The following ZFP28 variants were observed in gnomAD, a reference collection of about 807,000 sequenced individuals.
The protein encoded by ZFP28 is zinc finger protein 28 homolog.
Under a neutral mutation model 39.5 loss-of-function variants are expected in ZFP28, and 31 were observed. That is an observed-to-expected ratio of 0.79 (90% confidence interval 0.59 to 1.06). The LOEUF (loss-of-function observed/expected upper bound fraction) is 1.06. Ranked by LOEUF, ZFP28 falls within the 50% of genes least tolerant of loss-of-function variation. ZFP28 has a pLI of 0.00. For synonymous variants in ZFP28, 400 were observed against 378.6 expected (o/e 1.06, Z -0.66); for missense variants, 925 against 1,048.4 (o/e 0.88, Z 1.63).
Position 56,547,838 on chromosome 19 carries a change from C to T in ZFP28, c.459C>T (p.Ser153=). Residue 153 remains serine, a synonymous_variant, in exon 4 of 8, where the codon TCC becomes TCT. Transcript: ENST00000301318. The surrounding 1 kb of genome is among the most constrained non-coding windows in gnomAD (Gnocchi z 4.6). The part of the protein sequence containing the change: ...GLCVSKPDVI[S]SLEQGKEPWT... ...GTGTTTCTAAGCCCGATGTGATCTC[C>T]TCGTTGGAACAAGGAAAAGAGCCTT... 1.9e-6 allele frequency: 3 copies of T among 1,614,108 alleles called. No individual in the cohort carries two copies. The highest frequency in any genetic ancestry group is 1.1e-5 in the South Asian group (1 of 91,072).
At chr19:56,551,464 T>C in intron 7 of ZFP28, 1 of 985,312 alleles carries the variant, frequency 1.0e-6, no homozygotes, top group Non-Finnish European at 1.2e-6. Flanking sequence ...GATTCCACGT[T>C]GTATATACCA....
chr19:56,552,739 A>C (rs1169672723), intron 7 of ZFP28: 1 of 152,146 alleles, frequency 6.6e-6, no homozygotes, highest in East Asian at 1.9e-4. Context: ...TAAAAAATGA[A>C]TAGATGTATA....
Position 56,547,186 on chromosome 19 carries a change from C to T in ZFP28, c.301-322C>T. On this transcript the variant is annotated intron_variant, in intron 2 of 7. Transcript: ENST00000301318. The surrounding 1 kb of genome is among the most constrained non-coding windows in gnomAD (Gnocchi z 4.6). Reference sequence around the variant, plus strand: ...CTGCAGGTTTGGTTTCACCTGAGGCCTCTCTCCTTGGCTTGCAGACGGCCG... The same window carrying T: ...CTGCAGGTTTGGTTTCACCTGAGGCTTCTCTCCTTGGCTTGCAGACGGCCG... The T allele has an allele frequency of 3.8e-6, 1 of 261,648 alleles. No individual in the cohort carries two copies. The allele number at this position is 261,648 out of a possible 1,614,324, so 16.2% of individuals were successfully genotyped here.
intron 2 of ZFP28, among the ~76,000 whole-genome samples, chr19:56,543,626 C>T (rs1300632857): frequency 1.3e-5 from 2 of 151,990 alleles, no homozygotes; most frequent in African/African-American, 2.4e-5. Context: ...GGAGTAGATT[C>T]TGTGCCTGTA....
chr19:56,544,689 T>TA (rs1367102061), intron 2 of ZFP28: 2 of 152,208 alleles, frequency 1.3e-5, no homozygotes, highest in African/African-American at 4.8e-5. Context: ...ATAGTAATAG[T>TA]ACTGACTATT....
At chr19:56,551,612 T>C (rs1367733001) in intron 7 of ZFP28, 1 of 985,308 alleles carries the variant, frequency 1.0e-6, no homozygotes, top group Non-Finnish European at 1.2e-6. Flanking sequence ...TCTGAAAGTT[T>C]TTTTGTTTTT....
chr19:56,539,652 C>T lies in ZFP28; in HGVS notation c.236C>T (p.Pro79Leu). Residue 79 changes from proline (P) to leucine (L), a missense_variant, in exon 2 of 8, where the codon CCC (proline) becomes CTC (leucine). By Grantham distance (98) the Pro-to-Leu change is moderately conservative. Transcript: ENST00000301318. ...CTGCCTTCCAGGGACACTGCTCTTC[C>T]CCAGGAGAGAAACAAGAAGCTGGAG... is the stretch of plus-strand genomic sequence containing the variant. The part of the protein sequence containing the change: ...RALPSRDTAL[P>L]QERNKKLEAV... 1 of 1,614,098 alleles carries T rather than the reference C, an allele frequency of 6.2e-7. No homozygotes were observed. Among genetic ancestry groups the T allele is most frequent in the South Asian group, 1.1e-5 (1 of 91,076 alleles).
At chr19:56,538,913 G>A (rs1185656057), upstream of ZFP28, 11 of 1,052,968 alleles carry the variant, frequency 1.0e-5, no homozygotes, top group Non-Finnish European at 9.6e-6. Context: ...GCCGGGCCAT[G>A]GGGGAGCGCG....
upstream of ZFP28, chr19:56,538,210 C>T (rs1320478030): frequency 6.6e-6 from 1 of 152,260 alleles, no homozygotes; most frequent in Non-Finnish European, 1.5e-5. Flanking sequence ...CAAAACAATC[C>T]CACAAGCTCT....
chr19:56,542,821 A>G (rs1260948898), intron 2 of ZFP28, among the ~76,000 whole-genome samples: 4 of 152,108 alleles, frequency 2.6e-5, no homozygotes, highest in Non-Finnish European at 5.9e-5. Flanking sequence ...GCTGGAGTAC[A>G]GTGGCACAGT....
At chr19:56,546,172 G>A (rs1451621606) in intron 2 of ZFP28, 1 of 152,216 alleles carries the variant, frequency 6.6e-6, no homozygotes, top group Non-Finnish European at 1.5e-5. Flanking sequence ...GTAACCAAGT[G>A]AGGTTTCAGA....
Position 56,554,419 on chromosome 19 carries a change from G to A in ZFP28, c.1634G>A (p.Gly545Asp). 2.5e-6 allele frequency: 4 copies of A among 1,614,090 alleles called. No homozygotes were observed. The highest frequency in any genetic ancestry group is 3.4e-6 in the Non-Finnish European group (4 of 1,180,024). The change falls in exon 8 of 8, where the codon GGT becomes GAT. Residue 545 changes from glycine to aspartate, a missense_variant. This residue lies in a region of ZFP28 where 369 missense variants were observed against 505.5 expected (regional missense o/e 0.73). Coordinates refer to ENST00000301318, the MANE Select transcript of ZFP28 (RefSeq NM_020828.2). This position sits in a 1 kb window ranked among gnomAD's most constrained non-coding sequence, Gnocchi z 6.7. ...GTATGTCACAAATCCTTCAGGTATGGTTCCTCCCTTACTGTACATCAAAGG... is the reference window on the plus strand; with the variant it reads ...GTATGTCACAAATCCTTCAGGTATGATTCCTCCCTTACTGTACATCAAAGG... ...CDVCHKSFRY[G>D]SSLTVHQRIH...
intron 2 of ZFP28, chr19:56,544,654 A>G (rs2044224039): frequency 1.3e-5 from 2 of 152,218 alleles, no homozygotes; most frequent in Non-Finnish European, 2.9e-5. Flanking sequence ...TTACAGCTCA[A>G]TATTTTCTCA....
In ZFP28 at chr19:56,556,677, A is replaced by G. The variant is rs2044354893; in HGVS notation, c.*1285A>G. The G allele has an allele frequency of 1.3e-5, 2 of 152,200 alleles. No homozygotes were observed. Among genetic ancestry groups the G allele is most frequent in the Admixed American group, 1.3e-4 (2 of 15,276 alleles). The allele number at this position is 152,200 out of a possible 1,614,324, so 9.4% of individuals were successfully genotyped here. ...ATTTTAATTTTATGAGGGCAATACA[A>G]CTGTCACATCAGAAACAAGAAAACA... On this transcript the variant is annotated 3_prime_UTR_variant, in exon 8 of 8. Coordinates refer to ENST00000301318, the MANE Select transcript of ZFP28 (RefSeq NM_020828.2).
At position 56,554,453 on chromosome 19, in the gene ZFP28, C is replaced by CGG; in HGVS notation, c.1669_1670dup (p.Pro560AsnfsTer50). ...TTACTGTACATCAAAGGATTCATAC[C>CGG]GGAGAAAAACCATATGAATGTGATG... On this transcript the variant is annotated frameshift_variant, in exon 8 of 8. Coordinates refer to ENST00000301318, the MANE Select transcript of ZFP28 (RefSeq NM_020828.2). LOFTEE classifies it low-confidence loss of function (END_TRUNC). The surrounding 1 kb of genome is among the most constrained non-coding windows in gnomAD (Gnocchi z 6.7). The CGG allele has an allele frequency of 6.2e-7, 1 of 1,614,072 alleles. No homozygotes were observed. Among genetic ancestry groups the CGG allele is most frequent in the Non-Finnish European group, 8.5e-7 (1 of 1,180,000 alleles).
In ZFP28 at chr19:56,553,783, C is replaced by G. The variant is rs767834423; in HGVS notation, c.998C>G (p.Ser333Cys). The G allele has an allele frequency of 7.4e-6, 12 of 1,613,940 alleles. No homozygotes were observed. Among genetic ancestry groups the G allele is most frequent in the Admixed American group, 1.7e-5 (1 of 59,982 alleles). Reference protein sequence around the residue: ...DRTSNTKLDCSSFRENWDSDY... With the variant: ...DRTSNTKLDCCSFRENWDSDY... ...ACCTCAAACACTAAACTTGATTGTTCCAGTTTCAGAGAAAATTGGGATTCT... is the reference window on the plus strand; with the variant it reads ...ACCTCAAACACTAAACTTGATTGTTGCAGTTTCAGAGAAAATTGGGATTCT... The change falls in exon 8 of 8, where the codon TCC becomes TGC. Residue 333 changes from serine (S) to cysteine (C), a missense_variant. Physicochemically the swap from Ser to Cys is moderately radical, Grantham distance 112. Coordinates refer to ENST00000301318, the MANE Select transcript of ZFP28 (RefSeq NM_020828.2).
Position 56,556,732 on chromosome 19 carries a change from G to A in ZFP28, c.*1340G>A, listed in dbSNP as rs1039379315. The A allele has an allele frequency of 6.6e-6, 1 of 151,952 alleles. No individual in the cohort carries two copies. Among genetic ancestry groups the A allele is most frequent in the African/African-American group, 2.4e-5 (1 of 41,344 alleles). The allele number at this position is 151,952 out of a possible 1,614,324, so 9.4% of individuals were successfully genotyped here. ...ATAAAGGAACTCATTTATCAATAGA[G>A]GTGAAAGGAAATTATTAAACTATAT... On this transcript the variant is annotated 3_prime_UTR_variant, in exon 8 of 8. Coordinates refer to ENST00000301318, the MANE Select transcript of ZFP28 (RefSeq NM_020828.2).
At chr19:56,549,348 G>A (rs957926480) in intron 5 of ZFP28, among the ~76,000 whole-genome samples, 2 of 152,208 alleles carry the variant, frequency 1.3e-5, no homozygotes, top group African/African-American at 2.4e-5. Context: ...AATCTGTCAA[G>A]GTCAGAAATG....
chr19:56,540,034 A>G (rs1002516666), intron 2 of ZFP28, among the ~76,000 whole-genome samples: 5 of 152,230 alleles, frequency 3.3e-5, no homozygotes, highest in African/African-American at 1.2e-4. Flanking sequence ...CTCTTCTGCT[A>G]TACATGGTTT....
Sources: gnomAD v4.1 joint callset for allele counts (sites outside exome capture counted in the v4.1 genomes callset) on GRCh38, gnomAD v4.1.1 for gene constraint, gnomAD v4.1.1 regional missense constraint, Gnocchi (gnomAD v3.1) non-coding constraint, MANE v1.5 for transcripts, NCBI Gene and HGNC (gene_info 2026-07-23, HGNC 2026-07-21) for gene names.